TMEM132D: variants seen among roughly 807,000 people sequenced by gnomAD.
The protein encoded by TMEM132D is transmembrane protein 132D, also known as mature OL transmembrane protein.
In TMEM132D, 21 loss-of-function variants were observed where a neutral mutation model predicts 62.3. That is an observed-to-expected ratio of 0.34 (90% CI 0.24 to 0.49). The LOEUF (loss-of-function observed/expected upper bound fraction) is 0.49, where lower values mean the gene tolerates loss of function less well. Among genes scored for constraint, TMEM132D ranks in the 20% least tolerant of loss-of-function variants. The pLI is 0.99. For synonymous variants in TMEM132D, 621 were observed against 575.6 expected (o/e 1.08, Z -1.13); for missense variants, 1,346 against 1,402.8 (o/e 0.96, Z 0.65).
At chr12:129,769,958 G>A (rs766954481) in intron 1 of TMEM132D, among the ~76,000 whole-genome samples, 12 of 151,938 alleles carry the variant, frequency 7.9e-5, no homozygotes, top group South Asian at 2.1e-4. Context: ...ACCAAAGCTC[G>A]TGCCACCACA....
intron 1 of TMEM132D, among the ~76,000 whole-genome samples, chr12:129,834,605 G>A (rs986748978): frequency 6.6e-6 from 1 of 152,142 alleles, no homozygotes; most frequent in Non-Finnish European, 1.5e-5. Context: ...CCTCGCTTCT[G>A]TTCTGGTCCC....
At chr12:129,341,805 T>C (rs1431061295) in intron 3 of TMEM132D, among the ~76,000 whole-genome samples, 1 of 152,106 alleles carries the variant, frequency 6.6e-6, no homozygotes, top group Non-Finnish European at 1.5e-5. Context: ...AGCCAAATCA[T>C]GAGTGAACTC....
intron 4 of TMEM132D, among the ~76,000 whole-genome samples, chr12:129,263,028 G>A (rs1263927399): frequency 6.6e-6 from 1 of 152,132 alleles, no homozygotes; most frequent in Non-Finnish European, 1.5e-5. Context: ...AGTCGCGTCT[G>A]AGAACGTATT....
intron 3 of TMEM132D, among the ~76,000 whole-genome samples, chr12:129,350,615 C>G (rs1869832952): frequency 6.6e-6 from 1 of 152,226 alleles, no homozygotes; most frequent in African/African-American, 2.4e-5. Flanking sequence ...GACTTATTTA[C>G]TGAGTGGGCC....
At chr12:129,773,737 T>C (rs1001286323) in intron 1 of TMEM132D, among the ~76,000 whole-genome samples, 1 of 152,200 alleles carries the variant, frequency 6.6e-6, no homozygotes, top group African/African-American at 2.4e-5. Flanking sequence ...CTGGATGGAA[T>C]ACTTCATATT....
Position 129,546,865 on chromosome 12 carries a change from G to C in TMEM132D, c.969-15660C>G, listed in dbSNP as rs189266546. Among the ~76,000 whole-genome samples, 166 of 152,080 alleles carry C rather than the reference G, an allele frequency of 1.1e-3. 2 individuals are homozygous for C. Among genetic ancestry groups the C allele is most frequent in the African/African-American group, 3.7e-3 (154 of 41,482 alleles). ...AGCTACCATTGTAAGGAGAATTTTGGAGACTTCTGAAAGACATCTTTGCAA... is the reference window on the plus strand; with the variant it reads ...AGCTACCATTGTAAGGAGAATTTTGCAGACTTCTGAAAGACATCTTTGCAA... On this transcript the variant is annotated intron_variant, in intron 2 of 8. Coordinates refer to ENST00000422113, the MANE Select transcript of TMEM132D (RefSeq NM_133448.3).
chr12:129,571,859 T>C (rs1877523076), intron 2 of TMEM132D, among the ~76,000 whole-genome samples: 1 of 152,074 alleles, frequency 6.6e-6, no homozygotes, highest in Non-Finnish European at 1.5e-5. Context: ...GGAAAAGTTT[T>C]TTTTTAAAAA....
rs143799241 is a variant in TMEM132D at position 129,465,058 on chromosome 12, G to A, written c.1115+66001C>T. On this transcript the variant is annotated intron_variant, in intron 3 of 8. Transcript: ENST00000422113. ...TGGCATTGAATCTATTAATTACCTT[G>A]GGCAGTATGGGCATTTTCACGATAT... Among the ~76,000 whole-genome samples the A allele has an allele frequency of 9.1e-3, 1,383 of 151,924 alleles. 25 individuals are homozygous for A. The highest frequency in any genetic ancestry group is 0.032 in the African/African-American group (1,313 of 41,400).
chr12:129,601,119 C>T (rs1215470091), intron 2 of TMEM132D, among the ~76,000 whole-genome samples: 1 of 152,230 alleles, frequency 6.6e-6, no homozygotes, highest in Non-Finnish European at 1.5e-5. Context: ...TTCTGGAGAA[C>T]TTGCTGCAGC....
chr12:129,527,320 C>G (rs1231620821), intron 3 of TMEM132D, among the ~76,000 whole-genome samples: 2 of 152,026 alleles, frequency 1.3e-5, no homozygotes, highest in African/African-American at 2.4e-5. Context: ...GGAAACAAAA[C>G]AAAATGAAAC....
chr12:129,150,596 C>G (rs80135598), intron 5 of TMEM132D, among the ~76,000 whole-genome samples: 1 of 152,204 alleles, frequency 6.6e-6, no homozygotes, highest in Admixed American at 6.5e-5. Flanking sequence ...AGAGGCCACC[C>G]AGGTGACCAG....
At chr12:129,477,550 G>A (rs780078080) in intron 3 of TMEM132D, among the ~76,000 whole-genome samples, 21 of 152,150 alleles carry the variant, frequency 1.4e-4, no homozygotes, top group African/African-American at 2.2e-4. Context: ...ACTGGGTGCC[G>A]TGGCTCACAC....
chr12:129,633,807 G>A (rs1417760039), intron 2 of TMEM132D, among the ~76,000 whole-genome samples: 1 of 152,082 alleles, frequency 6.6e-6, no homozygotes, highest in Non-Finnish European at 1.5e-5. Flanking sequence ...TTCTTCACAG[G>A]GAGCCAGGAA....
At chr12:129,499,735 T>G (rs1184730488) in intron 3 of TMEM132D, among the ~76,000 whole-genome samples, 1 of 152,112 alleles carries the variant, frequency 6.6e-6, no homozygotes, top group African/African-American at 2.4e-5. Context: ...GGTCTTTAGG[T>G]TAAATATGAG....
chr12:129,201,822 C>T (rs1426900796), intron 5 of TMEM132D, among the ~76,000 whole-genome samples: 8 of 151,926 alleles, frequency 5.3e-5, no homozygotes, highest in East Asian at 1.9e-4. Context: ...GGGGATGTTC[C>T]GGTGATATAT....
At chr12:129,660,675 T>A (rs1473873862) in intron 2 of TMEM132D, among the ~76,000 whole-genome samples, 1 of 152,120 alleles carries the variant, frequency 6.6e-6, no homozygotes, top group Non-Finnish European at 1.5e-5. Context: ...GAGTCACTCA[T>A]GTGCGGGGGG....
At chr12:129,248,694 A>G (rs375191410) in intron 4 of TMEM132D, among the ~76,000 whole-genome samples, 23 of 151,984 alleles carry the variant, frequency 1.5e-4, no homozygotes, top group African/African-American at 5.1e-4. Flanking sequence ...ATTTTTCCCA[A>G]TTTGCTCCCC....
chr12:129,432,809 G>C (rs576564157), intron 3 of TMEM132D, among the ~76,000 whole-genome samples: 111 of 152,246 alleles, frequency 7.3e-4, no homozygotes, highest in Non-Finnish European at 6.3e-4. Flanking sequence ...AACATATAAT[G>C]CATGAATCAT....
intron 3 of TMEM132D, among the ~76,000 whole-genome samples, chr12:129,519,783 ATTT>A (rs1875797438): frequency 6.6e-6 from 1 of 151,752 alleles, no homozygotes; most frequent in African/African-American, 2.4e-5. Context: ...TACTTTTTGT[ATTT>A]TTAGTACAGA....
Sources: allele counts gnomAD v4.1 joint callset (sites outside exome capture counted in the v4.1 genomes callset), GRCh38; gene constraint gnomAD v4.1.1; transcripts MANE v1.5; gene names NCBI Gene and HGNC (gene_info 2026-07-23, HGNC 2026-07-21).